Variants in UGT1A9 observed in about 807,000 individuals in gnomAD.
The protein encoded by UGT1A9 is UDP glucuronosyltransferase family 1 member A9.
Under a neutral mutation model 45.0 loss-of-function variants are expected in UGT1A9, and 35 were observed. That is an observed-to-expected ratio of 0.78 (90% CI 0.59 to 1.03). UGT1A9 has a LOEUF of 1.03. Among genes scored for constraint, UGT1A9 ranks in the 50% least tolerant of loss-of-function variants. The pLI is 0.00. For synonymous variants in UGT1A9, 278 were observed against 250.6 expected (o/e 1.11, Z -1.03); for missense variants, 687 against 666.6 (o/e 1.03, Z -0.34).
chr2:233,770,282 A>G (rs1416601751), intron 4 of UGT1A9: 1 of 152,218 alleles, frequency 6.6e-6, no homozygotes, highest in Admixed American at 6.5e-5. Context: ...CAAAATAAAA[A>G]GAAGTGGAAA....
rs930932436 is a variant in UGT1A9 at position 233,769,919 on chromosome 2, G to A, written c.1295+1480G>A. The A allele has an allele frequency of 1.0e-5, 3 of 286,172 alleles. No individual in the cohort carries two copies. Among genetic ancestry groups the A allele is most frequent in the Non-Finnish European group, 1.3e-5 (2 of 153,080 alleles). 17.7% of individuals were successfully genotyped at this position (286,172 alleles called of 1,614,324 possible). A position where few individuals can be genotyped will look rare whatever the true frequency, so the allele number is the denominator to read the frequency against. Reference sequence around the variant, plus strand: ...GAGCATCATGTGCCCAGAGCGTTGGGTGGTGTGGTCCCATTCCTTCCTTCC... The same window carrying A: ...GAGCATCATGTGCCCAGAGCGTTGGATGGTGTGGTCCCATTCCTTCCTTCC... On this transcript the variant is annotated intron_variant, in intron 4 of 4. Coordinates refer to ENST00000354728, the MANE Select transcript of UGT1A9 (RefSeq NM_021027.3). This position sits in a 1 kb window ranked among gnomAD's most constrained non-coding sequence, Gnocchi z 4.4.
At chr2:233,732,416 TTTC>T (rs1325833889) in intron 1 of UGT1A9, among the ~76,000 whole-genome samples, 1 of 152,362 alleles carries the variant, frequency 6.6e-6, no homozygotes, top group East Asian at 1.9e-4. Context: ...TTGCCTAGGT[TTTC>T]TTCTAGGATT....
In UGT1A9 at chr2:233,769,767, A is replaced by G. The variant is rs1575845901; in HGVS notation, c.1295+1328A>G. 7.3e-7 allele frequency: 1 copy of G among 1,374,516 alleles called. No individual in the cohort carries two copies. The highest frequency in any genetic ancestry group is 9.5e-7 in the Non-Finnish European group (1 of 1,054,324). 85.1% of individuals were successfully genotyped at this position (1,374,516 alleles called of 1,614,324 possible). On this transcript the variant is annotated intron_variant, in intron 4 of 4. Coordinates refer to ENST00000354728, the MANE Select transcript of UGT1A9 (RefSeq NM_021027.3). The surrounding 1 kb of genome is among the most constrained non-coding windows in gnomAD (Gnocchi z 4.4). ...CCACTCTGGAGGCTAAGGCGGGAGG[A>G]TTGCTTGAGCCCAGAAGTTGGAGGC...
intron 1 of UGT1A9, among the ~76,000 whole-genome samples, chr2:233,714,305 A>G (rs1432172867): frequency 6.6e-6 from 1 of 152,218 alleles, no homozygotes; most frequent in East Asian, 1.9e-4. Context: ...CTTGCAAAAG[A>G]TAGAGAGGTG....
At chr2:233,729,387 T>G (rs1242626622) in intron 1 of UGT1A9, 1 of 1,613,946 alleles carries the variant, frequency 6.2e-7, no homozygotes, top group Non-Finnish European at 8.5e-7. Context: ...GGACCCAGGA[T>G]GAATTTGATC....
rs1236421933 is a variant in UGT1A9, at chr2:233,745,346, T to TG, written c.856-21683dup. 2.2e-4 allele frequency among the ~76,000 whole-genome samples: 34 copies of TG among 151,966 alleles called. 1 individual carries two copies. The highest frequency in any genetic ancestry group is 8.2e-4 in the African/African-American group (34 of 41,256). ...ACTGCTATATCATGACCATGAATTT[T>TG]GGGGGAATTTTTTTGAGATCTGAGT... is the stretch of plus-strand genomic sequence containing the variant. On this transcript the variant is annotated intron_variant, in intron 1 of 4. Coordinates refer to ENST00000354728, the MANE Select transcript of UGT1A9 (RefSeq NM_021027.3).
intron 1 of UGT1A9, among the ~76,000 whole-genome samples, chr2:233,681,646 G>A (rs903157962): frequency 6.6e-6 from 1 of 151,548 alleles, no homozygotes; most frequent in Non-Finnish European, 1.5e-5. Context: ...AAGGCCAAAA[G>A]CATTGCTTAA....
chr2:233,735,710 G>A (rs2078686166), intron 1 of UGT1A9, among the ~76,000 whole-genome samples: 1 of 152,114 alleles, frequency 6.6e-6, no homozygotes, highest in Non-Finnish European at 1.5e-5. Context: ...GCCTGGTGGT[G>A]ACAAAATCTC....
At chr2:233,700,527 C>T (rs1399866515) in intron 1 of UGT1A9, among the ~76,000 whole-genome samples, 1 of 152,026 alleles carries the variant, frequency 6.6e-6, no homozygotes, top group Non-Finnish European at 1.5e-5. Context: ...ATTTAGATAA[C>T]TCTAGGAGAA....
chr2:233,693,273 G>A lies in UGT1A9; in HGVS notation c.855+20484G>A, dbSNP rs147761911. ...TATGACCAAGAAGAGCTGAAGAACC[G>A]TTACCAATCATTTGGAAACAATCAC... On this transcript the variant is annotated intron_variant, in intron 1 of 4. Transcript: ENST00000354728. 123 of 1,614,074 alleles carry A rather than the reference G, an allele frequency of 7.6e-5. No individual in the cohort carries two copies. Among genetic ancestry groups the A allele is most frequent in the Middle Eastern group, 3.3e-4 (2 of 6,060 alleles).
At chr2:233,717,422 G>T (rs1452030789) in intron 1 of UGT1A9, among the ~76,000 whole-genome samples, 2 of 152,202 alleles carry the variant, frequency 1.3e-5, no homozygotes, top group Non-Finnish European at 2.9e-5. Context: ...CTTGAGCTGG[G>T]TGTCCCTCTG....
intron 1 of UGT1A9, among the ~76,000 whole-genome samples, chr2:233,684,036 T>A (rs1038069195): frequency 2.6e-5 from 4 of 152,206 alleles, no homozygotes; most frequent in Admixed American, 6.5e-5. Context: ...AGTTGCTAAA[T>A]CCAGGTGAAA....
chr2:233,682,266 C>G, intron 1 of UGT1A9: 1 of 1,614,182 alleles, frequency 6.2e-7, no homozygotes, highest in African/African-American at 1.3e-5. Flanking sequence ...TCTCTATTAA[C>G]AAGTTCATCC....
In UGT1A9 at chr2:233,772,791, C is replaced by A; in HGVS notation, c.*232C>A. On this transcript the variant is annotated 3_prime_UTR_variant, in exon 5 of 5. Coordinates refer to ENST00000354728, the MANE Select transcript of UGT1A9 (RefSeq NM_021027.3). ...CCTCTGGTGTCTTTGATCAGGATGACATGTGCCATTTTTCAGAGGACGTGC... is the reference window on the plus strand; with the variant it reads ...CCTCTGGTGTCTTTGATCAGGATGAAATGTGCCATTTTTCAGAGGACGTGC... The A allele has an allele frequency of 8.2e-7, 1 of 1,224,562 alleles. No individual in the cohort carries two copies. Among genetic ancestry groups the A allele is most frequent in the Non-Finnish European group, 1.1e-6 (1 of 921,630 alleles). 75.9% of individuals were successfully genotyped at this position (1,224,562 alleles called of 1,614,324 possible).
In UGT1A9 at chr2:233,729,814, C is replaced by T. The variant is rs776482922; in HGVS notation, c.856-37220C>T. The T allele has an allele frequency of 2.5e-6, 4 of 1,613,896 alleles. No homozygotes were observed. In the South Asian group the frequency reaches 3.3e-5, roughly 13 times the overall value. The stretch of plus-strand genomic sequence containing the variant: ...CTACATTTGCCATGCTTTTTCTGCT[C>T]CTTATGCAAGCCTTGCCTCTGAGCT... On this transcript the variant is annotated intron_variant, in intron 1 of 4. Coordinates refer to ENST00000354728, the MANE Select transcript of UGT1A9 (RefSeq NM_021027.3).
intron 1 of UGT1A9, among the ~76,000 whole-genome samples, chr2:233,711,929 A>C (rs1575497188): frequency 6.6e-6 from 1 of 152,234 alleles, no homozygotes; most frequent in East Asian, 1.9e-4. Flanking sequence ...GGGTCTCTCC[A>C]TTAGAAAGGC....
intron 1 of UGT1A9, among the ~76,000 whole-genome samples, chr2:233,701,433 A>G (rs2075627633): frequency 6.6e-6 from 1 of 152,256 alleles, no homozygotes; most frequent in Admixed American, 6.5e-5. Context: ...TAGACAGATC[A>G]ACGAGACAGA....
At chr2:233,756,155 A>G (rs1696135469) in intron 1 of UGT1A9, 2 of 152,312 alleles carry the variant, frequency 1.3e-5, no homozygotes, top group South Asian at 4.1e-4. Context: ...GATCCCTAGG[A>G]TTTCCTGGCT....
chr2:233,743,649 C>T (rs754713764), intron 1 of UGT1A9: 21 of 1,367,286 alleles, frequency 1.5e-5, no homozygotes, highest in Non-Finnish European at 1.9e-5. Context: ...AAGCTGAAGA[C>T]GTACTCGAAG....
Sources: allele counts gnomAD v4.1 joint callset (sites outside exome capture counted in the v4.1 genomes callset), GRCh38; gene constraint gnomAD v4.1.1; non-coding constraint Gnocchi (gnomAD v3.1); transcripts MANE v1.5; gene names NCBI Gene and HGNC (gene_info 2026-07-23, HGNC 2026-07-21).